Variants in STK31 observed in about 807,000 individuals in gnomAD.
The protein encoded by STK31 is serine/threonine-protein kinase 31.
A neutral mutation model predicts 129.7 loss-of-function variants in STK31; 89 were observed. The observed-to-expected ratio is 0.69, with a 90% CI of 0.58 to 0.82. The LOEUF is 0.82. Among genes scored for constraint, STK31 ranks in the 40% least tolerant of loss-of-function variants. The pLI, the probability that STK31 is intolerant of heterozygous loss-of-function variation, is 0.00. For synonymous variants in STK31, 448 were observed against 395.3 expected, an observed-to-expected ratio of 1.13 and a Z score of -1.58; for missense variants, 1,187 against 1,176.4, an observed-to-expected ratio of 1.01 and a Z score of -0.13.
At chr7:23,772,025 T>G (rs1437745958) in intron 14 of STK31, 122 bp from the exon 15 acceptor site, 2 of 606,072 alleles carry the variant, frequency 3.3e-6, no homozygotes, top group East Asian at 3.4e-5. Flanking sequence ...ATAGATTTTC[T>G]TGGTATTTCA....
At chr7:23,790,439 A>G (rs999113064) in intron 21 of STK31, among the ~76,000 whole-genome samples, 1 of 152,216 alleles carries the variant, frequency 6.6e-6, no homozygotes, top group African/African-American at 2.4e-5. Context: ...GAGAATGATC[A>G]GTAAGGAAGG....
chr7:23,772,992 T>A (rs567112770), intron 15 of STK31, among the ~76,000 whole-genome samples: 1 of 152,282 alleles, frequency 6.6e-6, no homozygotes, highest in East Asian at 1.9e-4. Context: ...TTTTATTCTA[T>A]TCTGGGCTTT....
At chr7:23,727,803 G>C (rs1216492516) in intron 5 of STK31, among the ~76,000 whole-genome samples, 2 of 151,574 alleles carry the variant, frequency 1.3e-5, no homozygotes, top group African/African-American at 4.8e-5. Context: ...CAGGTGATCC[G>C]TCCGCCTCAG....
At chr7:23,809,742 T>C (rs780916342) in intron 22 of STK31, among the ~76,000 whole-genome samples, 21 of 152,206 alleles carry the variant, frequency 1.4e-4, no homozygotes, top group Non-Finnish European at 2.8e-4. Context: ...TATCTTTGCC[T>C]CCTATTTCAG....
intron 11 of STK31, among the ~76,000 whole-genome samples, chr7:23,766,340 G>A (rs1178340619): frequency 6.6e-6 from 1 of 152,082 alleles, no homozygotes; most frequent in African/African-American, 2.4e-5. Context: ...TCAGCTCACT[G>A]CAACCTCTGG....
chr7:23,818,997 T>G (rs531921069), intron 23 of STK31, among the ~76,000 whole-genome samples: 39 of 152,192 alleles, frequency 2.6e-4, no homozygotes, highest in Admixed American at 1.1e-3. Flanking sequence ...TATAATTAAC[T>G]TGTTTGGTCT....
At position 23,735,600 on chromosome 7, in the gene STK31, C is replaced by G. The variant is rs1349108970; in HGVS notation, c.546C>G (p.Thr182=). The G allele has an allele frequency of 6.2e-7, 1 of 1,613,132 alleles. No homozygotes were observed. The highest frequency in any genetic ancestry group is 8.5e-7 in the Non-Finnish European group (1 of 1,179,640). ...AAATAAAAATGAGAATTAAAGCAAC[C>G]TCTGAAGATGGAACAGTTATTGCTC... is the stretch of plus-strand genomic sequence containing the variant. The part of the protein sequence containing the change: ...EKEIKMRIKA[T]SEDGTVIAQA... Residue 182 remains threonine (T), a synonymous_variant, in exon 7 of 24, where the codon ACC becomes ACG. Transcript: ENST00000355870.
At position 23,786,790 on chromosome 7, in the gene STK31, G is replaced by A. The variant is rs766561940; in HGVS notation, c.2401-48G>A. 2.5e-6 allele frequency: 4 copies of A among 1,578,350 alleles called. No individual in the cohort carries two copies. The African/African-American group carries it at 5.4e-5, about 21-fold the overall frequency. On this transcript the variant is annotated intron_variant, in intron 19 of 23. Transcript: ENST00000355870. The stretch of plus-strand genomic sequence containing the variant: ...TAGAATCAATGTATGCTAAAAATAT[G>A]TTGAAGAAGTTTTTACTTGGAGTCA...
intron 23 of STK31, among the ~76,000 whole-genome samples, chr7:23,826,978 G>A (rs1019003104): frequency 6.6e-6 from 1 of 152,170 alleles, no homozygotes; most frequent in South Asian, 2.1e-4. Context: ...TAGTCTGATG[G>A]GCTTCCCTTT....
At position 23,781,509 on chromosome 7, in the gene STK31, A is replaced by T; in HGVS notation, c.2056A>T (p.Arg686Ter). 1 of 1,605,814 alleles carries T rather than the reference A, an allele frequency of 6.2e-7. No homozygotes were observed. The highest frequency in any genetic ancestry group is 8.5e-7 in the Non-Finnish European group (1 of 1,176,376). Residue 686 changes from arginine (R) to a stop codon, truncating the protein, a stop_gained, in exon 16 of 24, where the codon AGA (arginine) becomes TGA (stop). Coordinates refer to ENST00000355870, the MANE Select transcript of STK31 (RefSeq NM_031414.5). LOFTEE classifies it high-confidence loss of function. ...TGTCTTTCAGGAAATTTATCATGAG[A>T]GAGAGGAATATGTAAGTATTTGGTT... ...NNVFQEIYHE[R>*]EEYEMLTSLA...
At chr7:23,790,723 TAAAA>T in intron 21 of STK31, 97 bp from the exon 22 acceptor site, 1 of 1,149,646 alleles carries the variant, frequency 8.7e-7, no homozygotes, top group South Asian at 2.5e-5. Flanking sequence ...ATGAAATATT[TAAAA>T]TGAATTTGTT....
At chr7:23,779,229 C>T (rs531600545) in intron 15 of STK31, among the ~76,000 whole-genome samples, 27 of 152,152 alleles carry the variant, frequency 1.8e-4, no homozygotes, top group Non-Finnish European at 1.2e-4. Flanking sequence ...CCCAGAGGGG[C>T]ACCTGCCAGA....
At chr7:23,749,066 C>T (rs575010744) in intron 8 of STK31, among the ~76,000 whole-genome samples, 2 of 152,322 alleles carry the variant, frequency 1.3e-5, no homozygotes, top group East Asian at 3.9e-4. Flanking sequence ...ATGTTGAAGT[C>T]ATTTTTGATT....
chr7:23,739,880 TGTA>T (rs1391149821), intron 8 of STK31, among the ~76,000 whole-genome samples: 3 of 152,216 alleles, frequency 2.0e-5, no homozygotes, highest in African/African-American at 7.2e-5. Context: ...ACTGTAGCCT[TGTA>T]GTATAGTTTG....
chr7:23,766,381 A>G (rs1420180776), intron 11 of STK31, among the ~76,000 whole-genome samples: 1 of 150,460 alleles, frequency 6.6e-6, no homozygotes, highest in Middle Eastern at 3.5e-3. Context: ...TCATGCCTCA[A>G]CCTCCCGAGT....
At chr7:23,736,455 A>G (rs1048848032) in intron 7 of STK31, among the ~76,000 whole-genome samples, 1 of 151,078 alleles carries the variant, frequency 6.6e-6, no homozygotes, top group African/African-American at 2.4e-5. Context: ...GGTCCAAGCC[A>G]TGATGCTGTA....
chr7:23,730,970 C>T (rs1311462155), intron 6 of STK31, among the ~76,000 whole-genome samples: 6 of 146,486 alleles, frequency 4.1e-5, no homozygotes, highest in African/African-American at 1.0e-4. Flanking sequence ...CTGCAACCTC[C>T]GCCTCTTGGG....
chr7:23,720,798 A>T (rs1987389), intron 4 of STK31, among the ~76,000 whole-genome samples: 124,986 of 152,154 alleles, frequency 0.82, 51,396 homozygotes, highest in African/African-American at 0.88. Context: ...TATCTTGTAC[A>T]GTTTTGTACC....
intron 22 of STK31, among the ~76,000 whole-genome samples, chr7:23,804,104 G>T (rs1379226471): frequency 1.3e-5 from 2 of 152,006 alleles, no homozygotes; most frequent in Non-Finnish European, 2.9e-5. Context: ...ATTTTTAAGA[G>T]ATGGGGTCTC....
Sources: allele counts gnomAD v4.1 joint callset (sites outside exome capture counted in the v4.1 genomes callset), GRCh38; gene constraint gnomAD v4.1.1; transcripts MANE v1.5; gene names NCBI Gene and HGNC (gene_info 2026-07-23, HGNC 2026-07-21).